Variants in MBP observed in about 807,000 individuals in gnomAD.
MBP encodes the protein myelin basic protein.
MBP carries 16 observed loss-of-function variants against 35.8 expected under a neutral mutation model. The ratio of observed to expected loss-of-function variants is 0.45; its 90% CI spans 0.30 to 0.68. The LOEUF is 0.68. Among genes scored for constraint, MBP ranks in the 30% least tolerant of loss-of-function variants. The pLI, the probability that MBP is intolerant of heterozygous loss-of-function variation, is 0.08. For missense variants in MBP, 380 were observed against 404.7 expected (o/e 0.94, Z 0.52); for synonymous variants, 143 against 159.6 (o/e 0.90, Z 0.78).
intron 2 of MBP, among the ~76,000 whole-genome samples, chr18:77,093,889 A>T (rs963981078): frequency 5.9e-5 from 9 of 152,134 alleles, no homozygotes; most frequent in African/African-American, 2.2e-4. Flanking sequence ...CCTTACGCTC[A>T]TTCTCAAGTC....
At chr18:77,080,457 G>A (rs995831764) in intron 2 of MBP, among the ~76,000 whole-genome samples, 8 of 152,194 alleles carry the variant, frequency 5.3e-5, no homozygotes, top group South Asian at 2.1e-4. Context: ...GCTGCCCTGC[G>A]TGGCGGGGTG....
intron 3 of MBP, among the ~76,000 whole-genome samples, chr18:77,019,686 C>T (rs8090485): frequency 0.27 from 40,594 of 152,150 alleles, 6,705 homozygotes; most frequent in Non-Finnish European, 0.36. Context: ...GGCAAGAGAA[C>T]AGGAAAGCAG....
Position 77,057,473 on chromosome 18 carries a change from C to A in MBP, c.139+8825G>T, listed in dbSNP as rs138978146. On this transcript the variant is annotated intron_variant, in intron 3 of 8. Transcript: ENST00000355994. ...ACAAGGCCTCAGGCAGCCACGGAAT[C>A]ACAATTAGCGATCCATTCACACTAG... 7.5e-3 allele frequency among the ~76,000 whole-genome samples: 1,137 copies of A among 152,336 alleles called. 14 individuals carry two copies. The highest frequency in any genetic ancestry group is 0.026 in the African/African-American group (1,089 of 41,574).
At chr18:77,060,100 T>C (rs570046868) in intron 3 of MBP, among the ~76,000 whole-genome samples, 1 of 152,306 alleles carries the variant, frequency 6.6e-6, no homozygotes, top group African/African-American at 2.4e-5. Flanking sequence ...TCCTTCTATG[T>C]TAAACCATCC....
intron 4 of MBP, chr18:77,014,138 AT>A: frequency 1.0e-6 from 1 of 985,414 alleles, no homozygotes; most frequent in Non-Finnish European, 1.2e-6. Flanking sequence ...TGCACTTTTC[AT>A]TTACGGCTCT....
At chr18:77,110,616 C>A (rs1035825401) in intron 1 of MBP, 81 of 152,318 alleles carry the variant, frequency 5.3e-4, no homozygotes, top group African/African-American at 1.9e-3. Context: ...CTGGCAGGGA[C>A]TACATTTCCC....
Position 76,988,087 on chromosome 18 carries a change from G to C in MBP, c.750+408C>G. ...ATCATTTTCCCAGTGTCAGCATCTG[G>C]GGTCACTGAGACGGGCCAGCCAGTC... is the stretch of plus-strand genomic sequence containing the variant. On this transcript the variant is annotated intron_variant, in intron 7 of 8. Coordinates refer to ENST00000355994, the MANE Select transcript of MBP (RefSeq NM_001025101.2). The surrounding 1 kb of genome is among the most constrained non-coding windows in gnomAD (Gnocchi z 5.2). 1.3e-6 allele frequency: 2 copies of C among 1,485,712 alleles called. No homozygotes were observed. Among genetic ancestry groups the C allele is most frequent in the South Asian group, 2.6e-5 (2 of 76,748 alleles). 92.0% of individuals were successfully genotyped at this position (1,485,712 alleles called of 1,614,324 possible). A position where few individuals can be genotyped will look rare whatever the true frequency, so the allele number is the denominator to read the frequency against.
chr18:77,019,292 G>T (rs1409830594), intron 3 of MBP, among the ~76,000 whole-genome samples: 2 of 152,194 alleles, frequency 1.3e-5, no homozygotes, highest in Non-Finnish European at 2.9e-5. Context: ...TTTGGAAATA[G>T]ATCTTTGCAG....
chr18:77,048,627 C>A (rs2144678171), intron 3 of MBP, among the ~76,000 whole-genome samples: 1 of 152,182 alleles, frequency 6.6e-6, no homozygotes, highest in Non-Finnish European at 1.5e-5. Flanking sequence ...CCACGGCCGG[C>A]TAATTTTTGT....
intron 4 of MBP, among the ~76,000 whole-genome samples, chr18:76,998,310 C>T (rs79890539): frequency 0.25 from 35,930 of 144,856 alleles, 5,189 homozygotes; most frequent in Non-Finnish European, 0.34. Context: ...CTCCAGGCGC[C>T]CCGTGCTGCG....
chr18:77,133,531 G>A (rs1368493403), upstream of MBP: 2 of 152,326 alleles, frequency 1.3e-5, no homozygotes, highest in African/African-American at 4.8e-5. Context: ...CACAGATTTA[G>A]TGGTCAGAGA....
At chr18:77,029,645 T>G (rs1599105013) in intron 3 of MBP, among the ~76,000 whole-genome samples, 1 of 152,274 alleles carries the variant, frequency 6.6e-6, no homozygotes, top group South Asian at 2.1e-4. Context: ...AACATAATAA[T>G]AGACTCACTC....
intron 1 of MBP, among the ~76,000 whole-genome samples, chr18:77,111,767 C>T (rs191625107): frequency 6.6e-6 from 1 of 152,356 alleles, no homozygotes; most frequent in African/African-American, 2.4e-5. Context: ...GAAAACAGCC[C>T]CTCACCCCTA....
At chr18:77,058,783 C>T (rs188518350) in intron 3 of MBP, among the ~76,000 whole-genome samples, 217 of 152,354 alleles carry the variant, frequency 1.4e-3, no homozygotes, top group African/African-American at 4.9e-3. Context: ...GGGGGCTCCT[C>T]GGCCGGCCGA....
chr18:77,092,230 C>G (rs1304301231), intron 2 of MBP, among the ~76,000 whole-genome samples: 1 of 152,242 alleles, frequency 6.6e-6, no homozygotes, highest in Middle Eastern at 3.2e-3. Flanking sequence ...GGCCCAGGGC[C>G]GCGGCCAGCG....
chr18:77,038,297 C>T (rs1279746871), intron 3 of MBP, among the ~76,000 whole-genome samples: 2 of 152,226 alleles, frequency 1.3e-5, no homozygotes, highest in African/African-American at 2.4e-5. Flanking sequence ...AATTCAGATG[C>T]ATAACAAGGA....
chr18:77,014,707 G>T (rs1971531807), intron 4 of MBP: 8 of 985,370 alleles, frequency 8.1e-6, no homozygotes, highest in Non-Finnish European at 9.6e-6. Context: ...ACAACACTTT[G>T]TGATAAAATA....
At chr18:77,060,448 C>CTTTTT (rs74182682) in intron 3 of MBP, among the ~76,000 whole-genome samples, 24 of 97,574 alleles carry the variant, frequency 2.5e-4, no homozygotes, top group African/African-American at 4.4e-4. Flanking sequence ...TCTCTCTCTC[C>CTTTTT]TTTTTTTTTT....
At chr18:77,082,045 G>C (rs552961210) in intron 2 of MBP, among the ~76,000 whole-genome samples, 2 of 151,058 alleles carry the variant, frequency 1.3e-5, no homozygotes, top group Non-Finnish European at 3.0e-5. Flanking sequence ...GTAGAGACGG[G>C]GTTTCACTGT....
Sources: allele counts gnomAD v4.1 joint callset (sites outside exome capture counted in the v4.1 genomes callset), GRCh38; gene constraint gnomAD v4.1.1; non-coding constraint Gnocchi (gnomAD v3.1); transcripts MANE v1.5; gene names NCBI Gene and HGNC (gene_info 2026-07-23, HGNC 2026-07-21).